The following SPATS1 variants were observed in gnomAD, a reference collection of about 807,000 sequenced individuals.
SPATS1 encodes spermatogenesis-associated serine-rich protein 1.
In SPATS1, 23 loss-of-function variants were observed where a neutral mutation model predicts 33.6. The ratio of observed to expected loss-of-function variants is 0.68; its 90% CI spans 0.49 to 0.97. SPATS1 has a LOEUF of 0.97. Ranked by LOEUF, SPATS1 falls within the 50% of genes least tolerant of loss-of-function variation. The pLI is 0.00. For synonymous variants in SPATS1, 131 were observed against 125.6 expected (o/e 1.04, Z -0.29); for missense variants, 327 against 361.0 (o/e 0.91, Z 0.76).
intron 7 of SPATS1, among the ~76,000 whole-genome samples, chr6:44,371,371 G>A (rs1789604647): frequency 6.6e-6 from 1 of 151,934 alleles, no homozygotes. Context: ...AGACAATTGT[G>A]AGACTTGGAC....
intron 4 of SPATS1, among the ~76,000 whole-genome samples, chr6:44,360,928 G>T (rs543259849): frequency 6.6e-6 from 1 of 152,042 alleles, no homozygotes; most frequent in Non-Finnish European, 1.5e-5. Flanking sequence ...ATACATACAC[G>T]TGTACATATA....
intron 2 of SPATS1, 137 bp downstream of exon 2, chr6:44,343,371 T>A (rs938828833): frequency 9.3e-6 from 9 of 971,272 alleles, no homozygotes; most frequent in East Asian, 5.0e-5. Flanking sequence ...AAGAGCTGCT[T>A]GAATAGTAGC....
At chr6:44,344,271 C>T (rs1412457927) in intron 2 of SPATS1, among the ~76,000 whole-genome samples, 1 of 152,032 alleles carries the variant, frequency 6.6e-6, no homozygotes, top group Non-Finnish European at 1.5e-5. Flanking sequence ...AATGAAAGAC[C>T]CATGGTGTCC....
At position 44,370,085 on chromosome 6, in the gene SPATS1, C is replaced by T. The variant is rs748298412; in HGVS notation, c.730C>T (p.Pro244Ser). 3.7e-6 allele frequency: 6 copies of T among 1,611,994 alleles called. No homozygotes were observed. The highest frequency in any genetic ancestry group is 5.1e-6 in the Non-Finnish European group (6 of 1,178,648). ...PYEKKFDTFI[P>S]LEPLPQIPNL... is the part of the protein sequence containing the mutation. ...TGAAAAGAAATTTGATACATTTATT[C>T]CACTTGAGCCTCTTCCACAAATTCC... The change falls in exon 7 of 9, where the codon CCA (proline) becomes TCA (serine). Residue 244 changes from proline (P) to serine (S), a missense_variant. Transcript: ENST00000674044.
chr6:44,347,995 T>TATC (rs1412013865), intron 2 of SPATS1, among the ~76,000 whole-genome samples: 2 of 151,664 alleles, frequency 1.3e-5, no homozygotes, highest in Admixed American at 1.3e-4. Context: ...GTTTCATTTC[T>TATC]ATTATTATTA....
chr6:44,343,073 A>G, intron 1 of SPATS1, 23 bp from the exon 2 acceptor site: 3 of 1,613,378 alleles, frequency 1.9e-6, no homozygotes, highest in Non-Finnish European at 2.5e-6. Flanking sequence ...TGCTTCTAAT[A>G]TTTAAAATCA....
At chr6:44,347,246 G>A (rs1208031494) in intron 2 of SPATS1, among the ~76,000 whole-genome samples, 1 of 152,174 alleles carries the variant, frequency 6.6e-6, no homozygotes, top group Non-Finnish European at 1.5e-5. Flanking sequence ...AGGGGAGAAG[G>A]ATAGCATTAG....
At chr6:44,347,418 C>G (rs73439527) in intron 2 of SPATS1, among the ~76,000 whole-genome samples, 2,923 of 151,922 alleles carry the variant, frequency 0.019, 89 homozygotes, top group African/African-American at 0.066. Context: ...TTTTTTCTTT[C>G]TATCATGTTG....
rs1040917246 is a variant in SPATS1, at chr6:44,362,056, AG to A, written c.574+66del. On this transcript the variant is annotated intron_variant, in intron 5 of 8. Transcript: ENST00000674044. ...AAAAACTCTCGAGTCGTGATTCTAT[AG>A]GCCCTGCATTCTGTAGCTGGGGGCA... 4.9e-5 allele frequency: 79 copies of A among 1,599,688 alleles called. No homozygotes were observed. The African/African-American group carries it at 8.0e-4, about 16-fold the overall frequency.
At chr6:44,352,317 C>T (rs368462871) in intron 2 of SPATS1, among the ~76,000 whole-genome samples, 8 of 151,822 alleles carry the variant, frequency 5.3e-5, no homozygotes, top group African/African-American at 9.7e-5. Context: ...TTTGTAGAGA[C>T]GGGGTTTCAC....
rs1276568322 is a variant in SPATS1, at chr6:44,377,192, T to C, written c.*129T>C. The stretch of plus-strand genomic sequence containing the variant: ...ATGAGGAAGTGTTGTGCTTTGCTTT[T>C]TTAAAACTTTATATTTTGAAAACTT... On this transcript the variant is annotated 3_prime_UTR_variant, in exon 9 of 9. Transcript: ENST00000674044. 7 of 1,160,308 alleles carry C rather than the reference T, an allele frequency of 6.0e-6. No homozygotes were observed. The African/African-American group carries it at 9.3e-5, about 15-fold the overall frequency. 71.9% of individuals were successfully genotyped at this position (1,160,308 alleles called of 1,614,324 possible).
intron 7 of SPATS1, 71 bp downstream of exon 7, chr6:44,370,184 G>T: frequency 7.1e-7 from 1 of 1,413,658 alleles, no homozygotes; most frequent in Non-Finnish European, 9.8e-7. Context: ...GTTTCCTTAT[G>T]TGGAGGAGCA....
chr6:44,347,423 A>G (rs921134048), intron 2 of SPATS1, among the ~76,000 whole-genome samples: 3 of 152,060 alleles, frequency 2.0e-5, no homozygotes, highest in Non-Finnish European at 2.9e-5. Context: ...TCTTTCTATC[A>G]TGTTGTTATA....
intron 2 of SPATS1, among the ~76,000 whole-genome samples, chr6:44,351,386 C>T (rs566206976): frequency 1.8e-4 from 28 of 152,126 alleles, no homozygotes; most frequent in African/African-American, 6.0e-4. Flanking sequence ...ACCAATCCCC[C>T]GTCGATACCA....
At chr6:44,368,774 A>C (rs1789401287) in intron 6 of SPATS1, among the ~76,000 whole-genome samples, 1 of 152,232 alleles carries the variant, frequency 6.6e-6, no homozygotes, top group African/African-American at 2.4e-5. Flanking sequence ...TTCATACTGA[A>C]TCAGATTGTT....
intron 7 of SPATS1, among the ~76,000 whole-genome samples, chr6:44,375,189 T>A (rs1789854450): frequency 6.6e-6 from 1 of 152,160 alleles, no homozygotes; most frequent in Non-Finnish European, 1.5e-5. Context: ...TCAGCTGGGA[T>A]TCTGAAGACA....
intron 2 of SPATS1, among the ~76,000 whole-genome samples, chr6:44,347,959 T>A (rs1320313833): frequency 6.6e-6 from 1 of 152,040 alleles, no homozygotes; most frequent in African/African-American, 2.4e-5. Context: ...TAAATTTATC[T>A]CTATTTTATT....
At position 44,379,799 on chromosome 6, in the gene SPATS1, C is replaced by T. The variant is rs1020350303; in HGVS notation, c.*2736C>T. Among the ~76,000 whole-genome samples the T allele has an allele frequency of 2.0e-5, 3 of 149,204 alleles. No individual in the cohort carries two copies. Among genetic ancestry groups the T allele is most frequent in the Non-Finnish European group, 4.5e-5 (3 of 67,296 alleles). ...AAACCATGAGTAAAAAAAAAAAACA[C>T]AAAAAAACAAAAAAACCCTACACAA... is the stretch of plus-strand genomic sequence containing the variant. On this transcript the variant is annotated 3_prime_UTR_variant, in exon 9 of 9. Transcript: ENST00000674044.
intron 3 of SPATS1, among the ~76,000 whole-genome samples, chr6:44,355,287 C>G (rs73439545): frequency 0.042 from 6,418 of 152,044 alleles, 371 homozygotes; most frequent in African/African-American, 0.13. Context: ...TGGCTTCCCT[C>G]AATAATATGC....
Sources: allele counts gnomAD v4.1 joint callset (sites outside exome capture counted in the v4.1 genomes callset), GRCh38; gene constraint gnomAD v4.1.1; transcripts MANE v1.5; gene names NCBI Gene and HGNC (gene_info 2026-07-23, HGNC 2026-07-21).